Variants in NTRK3 observed in about 807,000 individuals in gnomAD.
The protein encoded by NTRK3 is NT-3 growth factor receptor.
A neutral mutation model predicts 91.7 loss-of-function variants in NTRK3; 24 were observed. The ratio of observed to expected loss-of-function variants is 0.26; its 90% CI spans 0.19 to 0.37. The LOEUF is 0.37. Ranked by LOEUF, NTRK3 falls within the 10% of genes least tolerant of loss-of-function variation. NTRK3 has a pLI of 1.00. For synonymous variants in NTRK3, 483 were observed against 404.0 expected (o/e 1.20, Z -2.34); for missense variants, 880 against 1,068.9 (o/e 0.82, Z 2.46).
At chr15:87,862,174 G>A (rs1358251925) in exon 19 of NTRK3, 9 of 220,082 alleles carry the variant, frequency 4.1e-5, no homozygotes, top group Non-Finnish European at 5.5e-5. Context: ...GGCCTTTTTT[G>A]CAGGGCAAGT....
chr15:88,115,292 C>A (rs945407192), intron 13 of NTRK3, among the ~76,000 whole-genome samples: 1 of 152,224 alleles, frequency 6.6e-6, no homozygotes, highest in African/African-American at 2.4e-5. Flanking sequence ...AGGCACAAAG[C>A]AGCGGGCTGG....
chr15:88,003,856 C>T (rs1360718841), intron 14 of NTRK3, among the ~76,000 whole-genome samples: 4 of 139,134 alleles, frequency 2.9e-5, no homozygotes, highest in Non-Finnish European at 3.1e-5. Context: ...CACTAAGATT[C>T]CACTCAATGG....
Position 88,083,902 on chromosome 15 carries a change from C to G in NTRK3, c.1396+42369G>C, listed in dbSNP as rs188892981. On this transcript the variant is annotated intron_variant, in intron 13 of 18. Transcript: ENST00000394480. Reference sequence around the variant, plus strand: ...GGGGAGGGGTGTAAGGCTTCTCCAGCAATCCCACAGCCTCCAATTCTGTCC... The same window carrying G: ...GGGGAGGGGTGTAAGGCTTCTCCAGGAATCCCACAGCCTCCAATTCTGTCC... Among the ~76,000 whole-genome samples the G allele has an allele frequency of 2.6e-5, 4 of 152,264 alleles. No homozygotes were observed. In the East Asian group the frequency reaches 7.7e-4, roughly 29 times the overall value.
At chr15:87,961,836 A>C (rs1359262745) in intron 14 of NTRK3, among the ~76,000 whole-genome samples, 3 of 152,246 alleles carry the variant, frequency 2.0e-5, no homozygotes, top group Admixed American at 1.3e-4. Flanking sequence ...ACCCCATTGC[A>C]AGGAAAGCAA....
chr15:88,143,434 T>C (rs2042582527), intron 6 of NTRK3, among the ~76,000 whole-genome samples: 1 of 152,196 alleles, frequency 6.6e-6, no homozygotes, highest in African/African-American at 2.4e-5. Context: ...TATTTCAAAC[T>C]TCTGGCCTCC....
chr15:87,861,644 G>A (rs2064526689), exon 19 of NTRK3: 3 of 193,798 alleles, frequency 1.5e-5, no homozygotes, highest in Non-Finnish European at 1.1e-5. Context: ...AGCCAGTGCC[G>A]GCTGAGAGTG....
intron 3 of NTRK3, among the ~76,000 whole-genome samples, chr15:88,239,657 A>G (rs1483094303): frequency 6.6e-6 from 1 of 152,142 alleles, no homozygotes; most frequent in African/African-American, 2.4e-5. Flanking sequence ...AAGAGGGGAG[A>G]GAGAAACAGA....
chr15:87,897,986 A>T (rs2066227707), intron 17 of NTRK3, among the ~76,000 whole-genome samples: 1 of 152,218 alleles, frequency 6.6e-6, no homozygotes. Flanking sequence ...AAATGGGAAT[A>T]ATAACACACT....
At chr15:88,167,008 G>A (rs910192395) in intron 5 of NTRK3, among the ~76,000 whole-genome samples, 3 of 151,980 alleles carry the variant, frequency 2.0e-5, no homozygotes, top group Non-Finnish European at 4.4e-5. Context: ...TTCCTCCAAG[G>A]ACAAACTTAA....
chr15:87,931,618 A>T (rs1596301867), intron 16 of NTRK3, among the ~76,000 whole-genome samples: 1 of 152,222 alleles, frequency 6.6e-6, no homozygotes, highest in East Asian at 1.9e-4. Context: ...TATGCTAAAG[A>T]CAAAGTTCTC....
At chr15:88,020,823 C>T (rs944241920) in intron 14 of NTRK3, among the ~76,000 whole-genome samples, 8 of 152,194 alleles carry the variant, frequency 5.3e-5, no homozygotes, top group Non-Finnish European at 1.0e-4. Flanking sequence ...CCCCCTAGTT[C>T]AGCTCATTCT....
At chr15:88,081,454 C>A (rs955701474) in intron 13 of NTRK3, among the ~76,000 whole-genome samples, 1 of 152,210 alleles carries the variant, frequency 6.6e-6, no homozygotes, top group African/African-American at 2.4e-5. Context: ...CAACCAGAGC[C>A]CAGACATGCT....
chr15:88,059,610 T>C (rs3825885), intron 13 of NTRK3, among the ~76,000 whole-genome samples: 48,265 of 152,050 alleles, frequency 0.32, 7,757 homozygotes, highest in African/African-American at 0.35. Context: ...AGGAACATGC[T>C]GCCGGGAAGT....
At chr15:88,028,187 G>T (rs905377289) in intron 14 of NTRK3, among the ~76,000 whole-genome samples, 2 of 152,092 alleles carry the variant, frequency 1.3e-5, no homozygotes, top group African/African-American at 4.8e-5. Flanking sequence ...GAGGGCACAA[G>T]GTGCTCTCAG....
At chr15:87,934,744 C>T (rs1392432517) in intron 15 of NTRK3, among the ~76,000 whole-genome samples, 1 of 152,118 alleles carries the variant, frequency 6.6e-6, no homozygotes, top group African/African-American at 2.4e-5. Context: ...CTCACATTCA[C>T]ACTAATTAAA....
At chr15:88,066,454 C>A (rs2046658723) in intron 13 of NTRK3, among the ~76,000 whole-genome samples, 1 of 152,204 alleles carries the variant, frequency 6.6e-6, no homozygotes, top group Admixed American at 6.5e-5. Flanking sequence ...ACAGCCCTGC[C>A]TTTCTGAATC....
intron 3 of NTRK3, among the ~76,000 whole-genome samples, chr15:88,210,354 G>C (rs147339314): frequency 6.6e-6 from 1 of 152,120 alleles, no homozygotes; most frequent in Non-Finnish European, 1.5e-5. Flanking sequence ...TATCTTCCTC[G>C]CGGAAGCCTG....
At chr15:87,969,220 C>T (rs1219602159) in intron 14 of NTRK3, among the ~76,000 whole-genome samples, 2 of 152,142 alleles carry the variant, frequency 1.3e-5, no homozygotes, top group Non-Finnish European at 2.9e-5. Flanking sequence ...CCACTCATAT[C>T]AGAGCAGGGG....
In NTRK3 at chr15:87,966,863, T is replaced by C. The variant is rs564585486; in HGVS notation, c.1586-26110A>G. ...TACCCAAGACTAGTGAATACTGGACTGTATTGTCTCTAGACTGGGGTTTCT... is the reference window on the plus strand; with the variant it reads ...TACCCAAGACTAGTGAATACTGGACCGTATTGTCTCTAGACTGGGGTTTCT... On this transcript the variant is annotated intron_variant, in intron 14 of 18. Transcript: ENST00000394480. Among the ~76,000 whole-genome samples, 175 of 152,320 alleles carry C rather than the reference T, an allele frequency of 1.1e-3. 1 individual carries two copies. Among genetic ancestry groups the C allele is most frequent in the African/African-American group, 4.1e-3 (169 of 41,574 alleles).
Sources: allele counts gnomAD v4.1 joint callset (sites outside exome capture counted in the v4.1 genomes callset), GRCh38; gene constraint gnomAD v4.1.1; transcripts MANE v1.5; gene names NCBI Gene and HGNC (gene_info 2026-07-23, HGNC 2026-07-21).